MYO18B: variants seen among roughly 807,000 people sequenced by gnomAD.
The protein encoded by MYO18B is unconventional myosin-XVIIIb.
MYO18B carries 204 observed loss-of-function variants against 273.0 expected under a neutral mutation model. The ratio of observed to expected loss-of-function variants is 0.75; its 90% CI spans 0.67 to 0.84. MYO18B has a LOEUF of 0.84. Ranked by LOEUF, MYO18B falls within the 40% of genes least tolerant of loss-of-function variation. MYO18B has a pLI of 0.00. For synonymous variants in MYO18B, 1,330 were observed against 1,305.7 expected (o/e 1.02, Z -0.40); for missense variants, 3,212 against 3,287.6 (o/e 0.98, Z 0.56).
intron 33 of MYO18B, 113 bp from the exon 34 acceptor site, chr22:25,921,142 TCA>T: frequency 9.3e-7 from 1 of 1,078,212 alleles, no homozygotes; most frequent in Non-Finnish European, 1.3e-6. Context: ...TTGTCCAAGG[TCA>T]CACGGTGTGA....
intron 30 of MYO18B, chr22:25,903,163 G>A (rs2091972314): frequency 1.0e-5 from 2 of 200,792 alleles, no homozygotes; most frequent in Admixed American, 5.4e-5. Context: ...GAACCTCTGA[G>A]CGCTTTAGCC....
At chr22:25,946,442 G>A (rs1411995763) in intron 35 of MYO18B, among the ~76,000 whole-genome samples, 192 bp downstream of exon 35, 1 of 152,008 alleles carries the variant, frequency 6.6e-6, no homozygotes, top group African/African-American at 2.4e-5. Context: ...AGGGACAAGG[G>A]GACTTATTGT....
Position 25,847,664 on chromosome 22 carries a change from C to G in MYO18B, c.3775+12C>G. 2 of 1,541,500 alleles carry G rather than the reference C, an allele frequency of 1.3e-6. No individual in the cohort carries two copies. Among genetic ancestry groups the G allele is most frequent in the Non-Finnish European group, 1.8e-6 (2 of 1,139,210 alleles). On this transcript the variant is annotated intron_variant, in intron 20 of 43. Coordinates refer to ENST00000335473, the MANE Select transcript of MYO18B (RefSeq NM_032608.7). Reference sequence around the variant, plus strand: ...TCTGCATAGGACAGGTAAGAGACAGCTAGGACACAGCACCTTGTCTCTGAC... The same window carrying G: ...TCTGCATAGGACAGGTAAGAGACAGGTAGGACACAGCACCTTGTCTCTGAC...
At chr22:25,899,400 C>T (rs951580383) in intron 29 of MYO18B, 1 of 152,070 alleles carries the variant, frequency 6.6e-6, no homozygotes, top group Admixed American at 6.6e-5. Flanking sequence ...TTAGAAGGCC[C>T]ATGATAAAAT....
At position 25,906,132 on chromosome 22, in the gene MYO18B, A is replaced by G. The variant is rs573473806; in HGVS notation, c.5149-2190A>G. On this transcript the variant is annotated intron_variant, in intron 31 of 43. Coordinates refer to ENST00000335473, the MANE Select transcript of MYO18B (RefSeq NM_032608.7). ...CTTTCATCCGTCTTCAGCTTCACCC[A>G]TAACCTCAGGCTGCATTGTGCCCTT... 6.6e-5 allele frequency among the ~76,000 whole-genome samples: 10 copies of G among 152,292 alleles called. No homozygotes were observed. The South Asian group carries it at 1.2e-3, about 19-fold the overall frequency.
chr22:26,011,478 A>G (rs977187093), intron 42 of MYO18B, among the ~76,000 whole-genome samples: 1 of 152,238 alleles, frequency 6.6e-6, no homozygotes, highest in African/African-American at 2.4e-5. Flanking sequence ...GACTTGGTAG[A>G]TGAAAACTAT....
chr22:26,027,767 A>G lies in MYO18B; in HGVS notation c.*12+77A>G, dbSNP rs192186354. The G allele has an allele frequency of 1.1e-5, 16 of 1,411,260 alleles. No individual in the cohort carries two copies. In the Admixed American group the frequency reaches 2.4e-4, roughly 21 times the overall value. The allele number at this position is 1,411,260 out of a possible 1,614,324, so 87.4% of individuals were successfully genotyped here. On this transcript the variant is annotated intron_variant, in intron 43 of 43. Transcript: ENST00000335473. This position sits in a 1 kb window ranked among gnomAD's most constrained non-coding sequence, Gnocchi z 4.1. ...AGCCTTGGGGAGAGCAGGTGCCACT[A>G]CTGTCCTTAATGCCACAACCGATTT...
chr22:25,805,099 G>A (rs2145798026), intron 12 of MYO18B, among the ~76,000 whole-genome samples: 1 of 152,258 alleles, frequency 6.6e-6, no homozygotes. Flanking sequence ...TGCCCTCCCT[G>A]TGCCCAGCTC....
At chr22:26,025,259 T>G (rs1325514879) in intron 42 of MYO18B, among the ~76,000 whole-genome samples, 1 of 152,196 alleles carries the variant, frequency 6.6e-6, no homozygotes, top group African/African-American at 2.4e-5. Context: ...TTGGGTTGGC[T>G]TCCTTCCCAG....
At chr22:26,010,148 C>A (rs185473186) in intron 42 of MYO18B, among the ~76,000 whole-genome samples, 5 of 152,238 alleles carry the variant, frequency 3.3e-5, no homozygotes, top group South Asian at 2.1e-4. Context: ...TTCTACCCCC[C>A]ACCCAAACAA....
chr22:25,954,042 A>G (rs2092820988), intron 38 of MYO18B, among the ~76,000 whole-genome samples: 1 of 152,164 alleles, frequency 6.6e-6, no homozygotes, highest in African/African-American at 2.4e-5. Context: ...CTGCAGAAAA[A>G]GGGCTCAAAG....
intron 12 of MYO18B, among the ~76,000 whole-genome samples, chr22:25,800,795 C>T (rs1399037468): frequency 6.6e-6 from 1 of 152,212 alleles, no homozygotes; most frequent in Non-Finnish European, 1.5e-5. Context: ...TGGGGGGGCC[C>T]CCGCCCCCTG....
downstream of MYO18B, among the ~76,000 whole-genome samples, chr22:26,032,150 C>A (rs538929183): frequency 6.6e-6 from 1 of 152,320 alleles, no homozygotes; most frequent in African/African-American, 2.4e-5. Flanking sequence ...GTTTTCTCAT[C>A]TCAGTAATGG....
At chr22:25,798,148 A>T in intron 12 of MYO18B, 51 bp downstream of exon 12, 1 of 1,545,798 alleles carries the variant, frequency 6.5e-7, no homozygotes, top group Non-Finnish European at 8.7e-7. Flanking sequence ...CTCCTTTGGC[A>T]GGTGCCTGAC....
At chr22:25,760,203 C>T (rs2086258643) in intron 1 of MYO18B, among the ~76,000 whole-genome samples, 1 of 151,990 alleles carries the variant, frequency 6.6e-6, no homozygotes, top group Non-Finnish European at 1.5e-5. Flanking sequence ...ATCATGAGGT[C>T]AGGAGTTCGA....
At position 25,781,756 on chromosome 22, in the gene MYO18B, G is replaced by A. The variant is rs543041765; in HGVS notation, c.2234G>A (p.Arg745His). The A allele has an allele frequency of 1.1e-5, 18 of 1,582,904 alleles. No homozygotes were observed. The East Asian group carries it at 1.6e-4, about 14-fold the overall frequency. ...CAGACAATGCTTTTGGAGAAGAGCCGCGTGGCACGGCAGCCGGAAGGGGAA... is the reference window on the plus strand; with the variant it reads ...CAGACAATGCTTTTGGAGAAGAGCCACGTGGCACGGCAGCCGGAAGGGGAA... ...QLQTMLLEKSRVARQPEGESN... is the reference protein window; with the variant it reads ...QLQTMLLEKSHVARQPEGESN... The change falls in exon 10 of 44, where the codon CGC (arginine) becomes CAC (histidine). Residue 745 changes from arginine (R) to histidine (H), a missense_variant. Coordinates refer to ENST00000335473, the MANE Select transcript of MYO18B (RefSeq NM_032608.7).
chr22:25,903,762 G>T lies in MYO18B; in HGVS notation c.5079G>T (p.Leu1693Phe). 6.2e-7 allele frequency: 1 copy of T among 1,604,278 alleles called. No individual in the cohort carries two copies. ...GCTTGAAGGAGAGGCTCTGGAAGTT[G>T]GAATCCAGCGCCCTTGAGCAACAGA... Reference protein sequence around the residue: ...VAGLKERLWKLESSALEQQKI... With the variant: ...VAGLKERLWKFESSALEQQKI... Residue 1693 changes from leucine to phenylalanine, a missense_variant, in exon 31 of 44, where the codon TTG (leucine) becomes TTT (phenylalanine). By Grantham distance (22) the Leu-to-Phe change is conservative. Coordinates refer to ENST00000335473, the MANE Select transcript of MYO18B (RefSeq NM_032608.7).
chr22:26,032,633 T>C (rs1936693527), downstream of MYO18B, among the ~76,000 whole-genome samples: 1 of 151,888 alleles, frequency 6.6e-6, no homozygotes, highest in South Asian at 2.1e-4. Context: ...GCAATTCTCT[T>C]GCCTCAGCCT....
At chr22:25,879,656 A>G (rs998966561) in intron 25 of MYO18B, among the ~76,000 whole-genome samples, 1 of 152,204 alleles carries the variant, frequency 6.6e-6, no homozygotes, top group Non-Finnish European at 1.5e-5. Flanking sequence ...CAAATTACAG[A>G]TAGACTTCTA....
Sources: gnomAD v4.1 joint callset for allele counts (sites outside exome capture counted in the v4.1 genomes callset) on GRCh38, gnomAD v4.1.1 for gene constraint, Gnocchi (gnomAD v3.1) non-coding constraint, MANE v1.5 for transcripts, NCBI Gene and HGNC (gene_info 2026-07-23, HGNC 2026-07-21) for gene names.